KPNA5: variants seen among roughly 807,000 people sequenced by gnomAD.
KPNA5 encodes importin subunit alpha-6.
Under a neutral mutation model 71.3 loss-of-function variants are expected in KPNA5, and 46 were observed. The ratio of observed to expected loss-of-function variants is 0.65; its 90% CI spans 0.51 to 0.83. The LOEUF (loss-of-function observed/expected upper bound fraction) is 0.83. Among genes scored for constraint, KPNA5 ranks in the 40% least tolerant of loss-of-function variants. The probability of loss-of-function intolerance (pLI) is 0.00; values close to 1 mark genes in which losing one functional copy is unlikely to be tolerated. For synonymous variants in KPNA5, 207 were observed against 201.4 expected (o/e 1.03, Z -0.24); for missense variants, 547 against 628.3 (o/e 0.87, Z 1.38).
At chr6:116,683,515 T>C (rs1777441156) in intron 1 of KPNA5, among the ~76,000 whole-genome samples, 1 of 152,230 alleles carries the variant, frequency 6.6e-6, no homozygotes, top group Non-Finnish European at 1.5e-5. Flanking sequence ...TTTTTATAGA[T>C]ATAAAATAGA....
intron 4 of KPNA5, among the ~76,000 whole-genome samples, chr6:116,692,733 AT>A (rs1777853011): frequency 6.6e-6 from 1 of 151,962 alleles, no homozygotes; most frequent in Non-Finnish European, 1.5e-5. Context: ...GTATTTATTT[AT>A]TTTTTATTTT....
intron 9 of KPNA5, among the ~76,000 whole-genome samples, chr6:116,722,672 A>G (rs1779154491): frequency 6.6e-6 from 1 of 152,228 alleles, no homozygotes; most frequent in Non-Finnish European, 1.5e-5. Context: ...ATAATAATTA[A>G]TTTGAGTAAA....
intron 12 of KPNA5, among the ~76,000 whole-genome samples, chr6:116,728,733 C>A (rs1779369373): frequency 6.6e-6 from 1 of 151,794 alleles, no homozygotes; most frequent in Non-Finnish European, 1.5e-5. Context: ...TATTATTATT[C>A]CCATTTTTAA....
At chr6:116,711,900 C>T (rs1403707138) in intron 7 of KPNA5, among the ~76,000 whole-genome samples, 2 of 152,166 alleles carry the variant, frequency 1.3e-5, no homozygotes, top group African/African-American at 2.4e-5. Context: ...GGATTACAGG[C>T]GTGAGCCACT....
At chr6:116,709,030 T>TC (rs1198466334) in intron 7 of KPNA5, among the ~76,000 whole-genome samples, 3 of 151,354 alleles carry the variant, frequency 2.0e-5, no homozygotes, top group Admixed American at 6.6e-5. Flanking sequence ...AAGTGATACA[T>TC]CCCCCCTTGA....
rs1470303612 is a variant in KPNA5, at chr6:116,692,308, A to G, written c.256A>G (p.Thr86Ala). Reference sequence around the variant, plus strand: ...TGTGTTTTAGGAAGAAGTTGTTACTACAGATATGGTTCAGATGATTTTTTC... The same window carrying G: ...TGTGTTTTAGGAAGAAGTTGTTACTGCAGATATGGTTCAGATGATTTTTTC... ...VPIPEEEVVTTDMVQMIFSNN... is the reference protein window; with the variant it reads ...VPIPEEEVVTADMVQMIFSNN... Residue 86 changes from threonine (T) to alanine (A), a missense_variant, in exon 4 of 14, where the codon ACA becomes GCA. Coordinates refer to ENST00000368564, the MANE Select transcript of KPNA5 (RefSeq NM_001366306.2). 9 of 1,596,674 alleles carry G rather than the reference A, an allele frequency of 5.6e-6. No homozygotes were observed. The highest frequency in any genetic ancestry group is 7.7e-6 in the Non-Finnish European group (9 of 1,171,552).
intron 2 of KPNA5, among the ~76,000 whole-genome samples, chr6:116,690,622 G>A (rs1451514542): frequency 1.4e-5 from 2 of 139,722 alleles, no homozygotes; most frequent in Admixed American, 7.5e-5. Flanking sequence ...CAGCCTGGGC[G>A]ACAGAGTAAG....
At chr6:116,684,847 G>A (rs1777507141) in intron 1 of KPNA5, among the ~76,000 whole-genome samples, 1 of 152,162 alleles carries the variant, frequency 6.6e-6, no homozygotes, top group Non-Finnish European at 1.5e-5. Flanking sequence ...GAATGGCTAT[G>A]ACTAGCAACA....
chr6:116,681,660 G>T, intron 1 of KPNA5: 1 of 533,430 alleles, frequency 1.9e-6, no homozygotes, highest in Non-Finnish European at 2.5e-6. Context: ...TAATGGAATT[G>T]CCAAACGTTG....
chr6:116,689,249 A>G, intron 1 of KPNA5, 71 bp from the exon 2 acceptor site: 1 of 1,497,736 alleles, frequency 6.7e-7, no homozygotes. Flanking sequence ...TTTAGTTGCT[A>G]GATTAAGTGT....
At chr6:116,723,382 C>T (rs2114488954) in intron 9 of KPNA5, among the ~76,000 whole-genome samples, 1 of 152,194 alleles carries the variant, frequency 6.6e-6, no homozygotes, top group African/African-American at 2.4e-5. Flanking sequence ...CATTAATAAG[C>T]TGAGGAAACT....
At chr6:116,700,284 A>T (rs1193471863) in intron 5 of KPNA5, among the ~76,000 whole-genome samples, 1 of 150,616 alleles carries the variant, frequency 6.6e-6, no homozygotes, top group African/African-American at 2.5e-5. Context: ...CCAGCCTGGG[A>T]AAATAGTGAG....
At chr6:116,731,925 ACT>A (rs1252708132) in intron 13 of KPNA5, among the ~76,000 whole-genome samples, 20 of 151,024 alleles carry the variant, frequency 1.3e-4, no homozygotes, top group Admixed American at 1.3e-3. Flanking sequence ...ACTGCTACAT[ACT>A]CTCATTCTTG....
intron 3 of KPNA5, 51 bp downstream of exon 3, chr6:116,692,207 T>G: frequency 7.0e-7 from 1 of 1,431,974 alleles, no homozygotes; most frequent in Admixed American, 1.9e-5. Flanking sequence ...ATTTTAGCAA[T>G]AGTATGTATA....
At chr6:116,712,066 T>C (rs1778710044) in intron 7 of KPNA5, among the ~76,000 whole-genome samples, 1 of 152,144 alleles carries the variant, frequency 6.6e-6, no homozygotes, top group Non-Finnish European at 1.5e-5. Context: ...CTCAGCCTCC[T>C]GAATAGCAGG....
Position 116,681,251 on chromosome 6 carries a change from G to T in KPNA5, c.-84G>T. The T allele has an allele frequency of 1.9e-6, 3 of 1,579,230 alleles. No individual in the cohort carries two copies. The highest frequency in any genetic ancestry group is 1.1e-5 in the South Asian group (1 of 89,950). ...CTGGGTCGCTACGCTTCACGCCAGG[G>T]GCGGAGTGGCGGCCCTTCTGTTACC... On this transcript the variant is annotated 5_prime_UTR_variant, in exon 1 of 14. Coordinates refer to ENST00000368564, the MANE Select transcript of KPNA5 (RefSeq NM_001366306.2).
Position 116,686,529 on chromosome 6 carries a change from G to C in KPNA5, c.5-2791G>C, listed in dbSNP as rs113745335. On this transcript the variant is annotated intron_variant, in intron 1 of 13. Transcript: ENST00000368564. ...TTTTACTCTGTTGACAGATTCTTTT[G>C]CTGTGCAGGAGCTCTTAAGTTTAAT... 2.9e-3 allele frequency among the ~76,000 whole-genome samples: 435 copies of C among 152,144 alleles called. 4 individuals carry two copies. The highest frequency in any genetic ancestry group is 0.01 in the African/African-American group (419 of 41,506).
rs1235458799 is a variant in KPNA5, at chr6:116,738,463, CAATAGAAAAAGAGGGAAT to C, written c.*6141_*6158del. The C allele has an allele frequency of 1.3e-5, 2 of 152,038 alleles. No individual in the cohort carries two copies. The highest frequency in any genetic ancestry group is 2.9e-5 in the Non-Finnish European group (2 of 68,020). 9.4% of individuals were successfully genotyped at this position (152,038 alleles called of 1,614,324 possible). A position where few individuals can be genotyped will look rare whatever the true frequency, so the allele number is the denominator to read the frequency against. On this transcript the variant is annotated 3_prime_UTR_variant, in exon 14 of 14. Transcript: ENST00000368564. Reference sequence around the variant, plus strand: ...CCATTCCTTCTGAAACTATTCCAATCAATAGAAAAAGAGGGAATCCTCCCTAACTCATTTTCTGAGGCC... The same window carrying C: ...CCATTCCTTCTGAAACTATTCCAATCCCTCCCTAACTCATTTTCTGAGGCC...
At chr6:116,684,972 G>A (rs1024193072) in intron 1 of KPNA5, among the ~76,000 whole-genome samples, 1 of 152,156 alleles carries the variant, frequency 6.6e-6, no homozygotes, top group East Asian at 1.9e-4. Context: ...AAGAAGTTTG[G>A]CAGTTTCTTA....
Sources: gnomAD v4.1 joint callset for allele counts (sites outside exome capture counted in the v4.1 genomes callset) on GRCh38, gnomAD v4.1.1 for gene constraint, MANE v1.5 for transcripts, NCBI Gene and HGNC (gene_info 2026-07-23, HGNC 2026-07-21) for gene names.